Variants in DOCK7 observed in about 807,000 individuals in gnomAD.
DOCK7 encodes dedicator of cytokinesis 7.
DOCK7 carries 138 observed loss-of-function variants against 271.0 expected under a neutral mutation model. That is an observed-to-expected ratio of 0.51 (90% CI 0.44 to 0.59). DOCK7 has a LOEUF of 0.59. Ranked by LOEUF, DOCK7 falls within the 20% of genes least tolerant of loss-of-function variation. The probability of loss-of-function intolerance (pLI) is 0.00; values close to 1 mark genes in which losing one functional copy is unlikely to be tolerated. For missense variants in DOCK7, 2,066 were observed against 2,592.4 expected (o/e 0.80, Z 4.41); for synonymous variants, 823 against 876.1 (o/e 0.94, Z 1.07).
In DOCK7 at chr1:62,494,378, G is replaced by C; in HGVS notation, c.5114C>G (p.Ala1705Gly). The change falls in exon 40 of 50, where the codon GCT becomes GGT. Residue 1705 changes from alanine to glycine, a missense_variant. By Grantham distance (60) the Ala-to-Gly change is moderately conservative. Coordinates refer to ENST00000635253, the MANE Select transcript of DOCK7 (RefSeq NM_001367561.1). ...AGKHSERSNH[A>G]EAAQCLVHSA... is the part of the protein sequence containing the mutation. ...GTGGACTAGACACTGTGCAGCTTCA[G>C]CATGATTGCTTCGTTCTGAGTGCTT... The C allele has an allele frequency of 6.2e-7, 1 of 1,613,648 alleles. No individual in the cohort carries two copies. Among genetic ancestry groups the C allele is most frequent in the Non-Finnish European group, 8.5e-7 (1 of 1,179,632 alleles).
At chr1:62,455,564 C>A in intron 49 of DOCK7, 108 bp from the exon 50 acceptor site, 1 of 1,016,066 alleles carries the variant, frequency 9.8e-7, no homozygotes, top group South Asian at 1.4e-5. Flanking sequence ...GTTTTGCCAC[C>A]ATTTCTTACT....
rs938319351 is a variant in DOCK7 at position 62,657,598 on chromosome 1, T to A, written c.145-3439A>T. On this transcript the variant is annotated intron_variant, in intron 2 of 49. Transcript: ENST00000635253. Reference sequence around the variant, plus strand: ...ACCAAGATAAGTGATCTTAGCATTATATGACAAAGATTTCAAGGCAAACAT... The same window carrying A: ...ACCAAGATAAGTGATCTTAGCATTAAATGACAAAGATTTCAAGGCAAACAT... 2.0e-5 allele frequency among the ~76,000 whole-genome samples: 3 copies of A among 152,178 alleles called. No homozygotes were observed. The East Asian group carries it at 5.8e-4, about 29-fold the overall frequency.
intron 1 of DOCK7, among the ~76,000 whole-genome samples, chr1:62,665,164 T>A (rs1188749778): frequency 2.0e-5 from 3 of 152,070 alleles, no homozygotes; most frequent in Non-Finnish European, 4.4e-5. Context: ...TTTTTTTGTA[T>A]TTTTAGTAGA....
chr1:62,535,360 C>A, intron 29 of DOCK7, 133 bp downstream of exon 29: 5 of 691,602 alleles, frequency 7.2e-6, no homozygotes, highest in Non-Finnish European at 9.1e-6. Context: ...AAGTGAGAAA[C>A]TTAGTGAAGA....
chr1:62,628,552 G>A (rs139846433), intron 11 of DOCK7: 1 of 152,214 alleles, frequency 6.6e-6, no homozygotes, highest in Admixed American at 6.5e-5. Flanking sequence ...ACTCAAAATG[G>A]ATTATTATAA....
chr1:62,559,257 T>A, intron 19 of DOCK7, 37 bp from the exon 20 acceptor site: 1 of 1,521,804 alleles, frequency 6.6e-7, no homozygotes, highest in Middle Eastern at 1.7e-4. Flanking sequence ...TAAGCACTTA[T>A]AACTTTATAA....
At chr1:62,552,148 A>G (rs1286911624) in intron 22 of DOCK7, among the ~76,000 whole-genome samples, 1 of 152,128 alleles carries the variant, frequency 6.6e-6, no homozygotes, top group Non-Finnish European at 1.5e-5. Context: ...ACAATAAAAT[A>G]TAATCAATAA....
chr1:62,546,446 T>C lies in DOCK7; in HGVS notation c.2767-1407A>G, dbSNP rs190784754. Among the ~76,000 whole-genome samples, 57 of 152,230 alleles carry C rather than the reference T, an allele frequency of 3.7e-4. No individual in the cohort carries two copies. The South Asian group carries it at 7.2e-3, about 19-fold the overall frequency. On this transcript the variant is annotated intron_variant, in intron 22 of 49. Transcript: ENST00000635253. ...CATTTTTGACAGTGACTGTCTAATA[T>C]GGGAGTTAAGGTTCCAATCCAGGCT...
intron 14 of DOCK7, among the ~76,000 whole-genome samples, chr1:62,592,272 G>A (rs1013916602): frequency 6.6e-6 from 1 of 151,996 alleles, no homozygotes; most frequent in African/African-American, 2.4e-5. Flanking sequence ...GAAAAATGTT[G>A]AGGTAGTTGA....
At chr1:62,676,834 G>A (rs1660594599) in intron 1 of DOCK7, among the ~76,000 whole-genome samples, 1 of 152,210 alleles carries the variant, frequency 6.6e-6, no homozygotes, top group South Asian at 2.1e-4. Context: ...AGGAAAAAAT[G>A]AGAATGACAA....
intron 33 of DOCK7, 172 bp from the exon 34 acceptor site, chr1:62,510,845 A>AATTTC: frequency 1.9e-6 from 1 of 513,054 alleles, no homozygotes; most frequent in Non-Finnish European, 3.4e-6. Flanking sequence ...TTTTCACAAT[A>AATTTC]ATTTCAGAAG....
chr1:62,528,078 T>C (rs1053021443), intron 31 of DOCK7, 73 bp downstream of exon 31: 5 of 1,433,414 alleles, frequency 3.5e-6, no homozygotes, highest in Admixed American at 4.8e-5. Flanking sequence ...AATCATCTCA[T>C]ATATTTAAGG....
chr1:62,674,029 G>GA (rs1371147569), intron 1 of DOCK7, among the ~76,000 whole-genome samples: 1 of 151,906 alleles, frequency 6.6e-6, no homozygotes, highest in Non-Finnish European at 1.5e-5. Flanking sequence ...TTTACTCACA[G>GA]AAAAAATTAT....
rs1646009798 is a variant in DOCK7, at chr1:62,477,824, C to T, written c.5510G>A (p.Arg1837Gln). The T allele has an allele frequency of 1.2e-6, 2 of 1,604,658 alleles. No homozygotes were observed. Among genetic ancestry groups the T allele is most frequent in the East Asian group, 2.2e-5 (1 of 44,546 alleles). ...AACACGAAAATAGGTGCCAAACATC[C>T]GCTTACCATCCTAGGTTTAGGAAAA... Reference protein sequence around the residue: ...KIVHQSTGWERMFGTYFRVGF... With the variant: ...KIVHQSTGWEQMFGTYFRVGF... The change falls in exon 44 of 50, where the codon CGG becomes CAG. Residue 1837 changes from arginine to glutamine, a missense_variant and splice_region_variant. Arg to Gln is a conservative substitution (Grantham distance 43, BLOSUM62 1). Transcript: ENST00000635253.
In DOCK7 at chr1:62,542,721, C is replaced by T; in HGVS notation, c.2950-18G>A. On this transcript the variant is annotated intron_variant, in intron 24 of 49. Coordinates refer to ENST00000635253, the MANE Select transcript of DOCK7 (RefSeq NM_001367561.1). Reference sequence around the variant, plus strand: ...TGAAAAAGCTATCCAGAAGTAAATCCAAAGTTATTATCAAAGTCAAATCTG... The same window carrying T: ...TGAAAAAGCTATCCAGAAGTAAATCTAAAGTTATTATCAAAGTCAAATCTG... 1 of 1,606,098 alleles carries T rather than the reference C, an allele frequency of 6.2e-7. No individual in the cohort carries two copies. The highest frequency in any genetic ancestry group is 8.5e-7 in the Non-Finnish European group (1 of 1,175,788).
At chr1:62,615,819 A>G (rs1156675904) in intron 14 of DOCK7, among the ~76,000 whole-genome samples, 1 of 151,784 alleles carries the variant, frequency 6.6e-6, no homozygotes, top group Non-Finnish European at 1.5e-5. Flanking sequence ...GATACAGTCC[A>G]AACTAAAGGC....
At chr1:62,530,238 A>C (rs1455767353) in intron 29 of DOCK7, among the ~76,000 whole-genome samples, 1 of 152,226 alleles carries the variant, frequency 6.6e-6, no homozygotes, top group East Asian at 1.9e-4. Flanking sequence ...CTTAGGAAAG[A>C]AGAGCCATTC....
At chr1:62,488,826 T>C in intron 42 of DOCK7, 108 bp downstream of exon 42, 1 of 1,423,224 alleles carries the variant, frequency 7.0e-7, no homozygotes, top group Non-Finnish European at 9.8e-7. Context: ...TGTAGTCTGA[T>C]TAAAATGGTC....
In DOCK7 at chr1:62,508,194, G is replaced by C. The variant is rs1300027839; in HGVS notation, c.4380-136C>G. The C allele has an allele frequency of 6.5e-6, 5 of 764,882 alleles. No homozygotes were observed. In the Admixed American group the frequency reaches 1.4e-4, roughly 22 times the overall value. The allele number at this position is 764,882 out of a possible 1,614,324, so 47.4% of individuals were successfully genotyped here. On this transcript the variant is annotated intron_variant, in intron 34 of 49. Coordinates refer to ENST00000635253, the MANE Select transcript of DOCK7 (RefSeq NM_001367561.1). ...CTGATAAAAAATTACAAGAGAATAA[G>C]AAAAAAGGCAGTAGTTTACACATTT...
Sources: allele counts gnomAD v4.1 joint callset (sites outside exome capture counted in the v4.1 genomes callset), GRCh38; gene constraint gnomAD v4.1.1; transcripts MANE v1.5; gene names NCBI Gene and HGNC (gene_info 2026-07-23, HGNC 2026-07-21).